FSIP2: variants seen among roughly 807,000 people sequenced by gnomAD.
The protein encoded by FSIP2 is fibrous sheath interacting protein 2.
Under a neutral mutation model 510.5 loss-of-function variants are expected in FSIP2, and 367 were observed. That is an observed-to-expected ratio of 0.72 (90% CI 0.66 to 0.78). The LOEUF is 0.78. Ranked by LOEUF, FSIP2 falls within the 30% of genes least tolerant of loss-of-function variation. The probability of loss-of-function intolerance (pLI) is 0.00; values close to 1 mark genes in which losing one functional copy is unlikely to be tolerated. For synonymous variants in FSIP2, 2,601 were observed against 2,732.2 expected (o/e 0.95, Z 1.50); for missense variants, 7,594 against 7,901.7 (o/e 0.96, Z 1.48).
chr2:185,803,201 G>A lies in FSIP2; in HGVS notation c.13895G>A (p.Arg4632Lys). 6.5e-7 allele frequency: 1 copy of A among 1,532,372 alleles called. No homozygotes were observed. The highest frequency in any genetic ancestry group is 8.7e-7 in the Non-Finnish European group (1 of 1,144,722). 94.9% of individuals were successfully genotyped at this position (1,532,372 alleles called of 1,614,324 possible). The change falls in exon 17 of 23, where the codon AGA becomes AAA. Residue 4632 changes from arginine to lysine, a missense_variant. Physicochemically the swap from Arg to Lys is conservative, Grantham distance 26. Transcript: ENST00000424728. Reference sequence around the variant, plus strand: ...GAAGATGTAATCTCTGGGGTTTTAAGAAAAATATTCCACAGGGTAGTAGGC... The same window carrying A: ...GAAGATGTAATCTCTGGGGTTTTAAAAAAAATATTCCACAGGGTAGTAGGC... ...FLEDVISGVL[R>K]KIFHRVVGIV...
At chr2:185,739,078 C>G in intron 1 of FSIP2, 85 bp downstream of exon 1, 1 of 1,419,978 alleles carries the variant, frequency 7.0e-7, no homozygotes, top group Non-Finnish European at 9.3e-7. Context: ...ACACACGGGT[C>G]GCGAGGCTCC....
chr2:185,801,438 C>T lies in FSIP2; in HGVS notation c.12132C>T (p.Ser4044=). The change falls in exon 17 of 23, where the codon AGC becomes AGT. Residue 4044 remains serine (S), a synonymous_variant. Transcript: ENST00000424728. The part of the protein sequence containing the change: ...CFPPVHTETV[S]KIVDSVYYDV... ...CACCAGTTCATACAGAAACTGTTAG[C>T]AAAATTGTTGACTCAGTTTATTATG... 1 of 1,533,746 alleles carries T rather than the reference C, an allele frequency of 6.5e-7. No homozygotes were observed. Among genetic ancestry groups the T allele is most frequent in the Non-Finnish European group, 8.7e-7 (1 of 1,145,414 alleles).
In FSIP2 at chr2:185,807,364, C is replaced by A. The variant is rs1444902935; in HGVS notation, c.18058C>A (p.Leu6020Ile). Reference protein sequence around the residue: ...HKFLENVISALFSKIFSTISS... With the variant: ...HKFLENVISAIFSKIFSTISS... Reference sequence around the variant, plus strand: ...ATTTTTGGAGAATGTGATTTCTGCTCTTTTCTCCAAAATTTTCTCAACAAT... The same window carrying A: ...ATTTTTGGAGAATGTGATTTCTGCTATTTTCTCCAAAATTTTCTCAACAAT... The change falls in exon 17 of 23, where the codon CTT becomes ATT. Residue 6020 changes from leucine to isoleucine, a missense_variant. Transcript: ENST00000424728. The A allele has an allele frequency of 3.1e-6, 5 of 1,609,162 alleles. No individual in the cohort carries two copies. Among genetic ancestry groups the A allele is most frequent in the East Asian group, 2.2e-5 (1 of 44,794 alleles).
At chr2:185,763,141 A>G (rs1692389311) in intron 11 of FSIP2, 42 bp from the exon 12 acceptor site, 1 of 848,914 alleles carries the variant, frequency 1.2e-6, no homozygotes, top group Admixed American at 2.0e-5. Context: ...TGTCCCAGCA[A>G]TATCAGCTTC....
rs773835091 is a variant in FSIP2, at chr2:185,831,921, C to T, written c.20587+39C>T. The T allele has an allele frequency of 1.5e-5, 18 of 1,179,864 alleles. No individual in the cohort carries two copies. The Admixed American group carries it at 3.1e-4, about 20-fold the overall frequency. 73.1% of individuals were successfully genotyped at this position (1,179,864 alleles called of 1,614,324 possible). On this transcript the variant is annotated intron_variant, in intron 22 of 22. Transcript: ENST00000424728. ...TATTTTAACAACTGGTGTAATTAAA[C>T]TGTCAATTGCATCATTTTGAATTTA...
chr2:185,791,628 G>A lies in FSIP2; in HGVS notation c.4492G>A (p.Val1498Ile), dbSNP rs1032085504. ...TTATATCCTTGCAAAATTATGTGGT[G>A]TTGACATGGATACCAGTTTTGCAAG... ...LDYILAKLCG[V>I]DMDTSFASCG... Residue 1498 changes from valine to isoleucine, a missense_variant, in exon 16 of 23, where the codon GTT (valine) becomes ATT (isoleucine). By Grantham distance (29) the Val-to-Ile change is conservative. Coordinates refer to ENST00000424728, the MANE Select transcript of FSIP2 (RefSeq NM_173651.4). 1.7e-5 allele frequency: 26 copies of A among 1,533,976 alleles called. No individual in the cohort carries two copies. In the African/African-American group the frequency reaches 3.3e-4, roughly 19 times the overall value.
In FSIP2 at chr2:185,797,316, G is replaced by A; in HGVS notation, c.10180G>A (p.Glu3394Lys). 5.2e-6 allele frequency: 8 copies of A among 1,525,812 alleles called. No homozygotes were observed. The highest frequency in any genetic ancestry group is 7.0e-6 in the Non-Finnish European group (8 of 1,144,096). 94.5% of individuals were successfully genotyped at this position (1,525,812 alleles called of 1,614,324 possible). A position where few individuals can be genotyped will look rare whatever the true frequency, so the allele number is the denominator to read the frequency against. Residue 3394 changes from glutamate to lysine, a missense_variant, in exon 16 of 23, where the codon GAG becomes AAG. Glu to Lys is a moderately conservative substitution (Grantham distance 56). Transcript: ENST00000424728. ...GGATAAAAAAATCAACTATATACCT[G>A]AGGAAGAAAATGAAAACCTTGAAGC... ...MQDKKINYIP[E>K]EENENLEASR... is the part of the protein sequence containing the mutation.
rs1559028415 is a variant in FSIP2 at position 185,794,071 on chromosome 2, TG to T, written c.6936del (p.Ile2314TyrfsTer47). The T allele has an allele frequency of 6.5e-7, 1 of 1,531,548 alleles. No homozygotes were observed. Among genetic ancestry groups the T allele is most frequent in the Non-Finnish European group, 8.7e-7 (1 of 1,143,898 alleles). The allele number at this position is 1,531,548 out of a possible 1,614,324, so 94.9% of individuals were successfully genotyped here. On this transcript the variant is annotated frameshift_variant, in exon 16 of 23. Transcript: ENST00000424728. LOFTEE classifies it high-confidence loss of function. ...CAAGTGGAATCAGATGTAAATGTCC[TG>T]AAAATATCAGCAACTGAAACCATTC... The part of the protein sequence containing the change: ...SSQVESDVNV[L>X]KISATETILS...
chr2:185,759,250 A>G (rs1692302835), intron 9 of FSIP2, among the ~76,000 whole-genome samples: 1 of 150,724 alleles, frequency 6.6e-6, no homozygotes, highest in African/African-American at 2.4e-5. Flanking sequence ...ATTGTATCAT[A>G]CTTTTTCTGT....
rs578102081 is a variant in FSIP2 at position 185,813,456 on chromosome 2, AATT to A, written c.19828-86_19828-84del. 8.0e-5 allele frequency: 57 copies of A among 709,708 alleles called. 1 individual carries two copies. The African/African-American group carries it at 9.5e-4, about 12-fold the overall frequency. The allele number at this position is 709,708 out of a possible 1,614,324, so 44.0% of individuals were successfully genotyped here. ...AGATATTACTTAAATCAAAACTAGA[AATT>A]ATAAGAAAATAGCTACATCATAATT... is the stretch of plus-strand genomic sequence containing the variant. On this transcript the variant is annotated intron_variant, in intron 17 of 22. Transcript: ENST00000424728.
At chr2:185,824,894 CT>C (rs1040619184) in intron 20 of FSIP2, among the ~76,000 whole-genome samples, 1 of 151,742 alleles carries the variant, frequency 6.6e-6, no homozygotes, top group Admixed American at 6.6e-5. Flanking sequence ...ATGTATCTCA[CT>C]TTTTTTCATT....
chr2:185,773,688 T>C (rs1692657913), intron 13 of FSIP2, among the ~76,000 whole-genome samples: 1 of 152,162 alleles, frequency 6.6e-6, no homozygotes. Context: ...TATCTTAACC[T>C]CTCTCCCCCT....
chr2:185,746,392 T>C (rs542524639), intron 5 of FSIP2, among the ~76,000 whole-genome samples: 2 of 152,216 alleles, frequency 1.3e-5, no homozygotes, highest in South Asian at 4.1e-4. Context: ...CTGTGCAAAA[T>C]GTTTTGAGTA....
At chr2:185,825,611 C>T (rs1414285724) in intron 20 of FSIP2, among the ~76,000 whole-genome samples, 1 of 151,850 alleles carries the variant, frequency 6.6e-6, no homozygotes, top group East Asian at 1.9e-4. Flanking sequence ...CCCACATCTC[C>T]TGCCTCTAAA....
intron 2 of FSIP2, among the ~76,000 whole-genome samples, chr2:185,741,519 T>A (rs1691921919): frequency 6.6e-6 from 1 of 152,192 alleles, no homozygotes; most frequent in East Asian, 1.9e-4. Context: ...TAACATTTTT[T>A]AAAAGTTTAC....
At chr2:185,766,580 C>T (rs1692487802) in intron 13 of FSIP2, 1 of 148,726 alleles carries the variant, frequency 6.7e-6, no homozygotes, top group African/African-American at 2.5e-5. Flanking sequence ...CTCACCATCA[C>T]TGGCCATCAG....
rs1559035558 is a variant in FSIP2, at chr2:185,807,004, CCTT to C, written c.17703_17705del (p.Ser5902del). On this transcript the variant is annotated inframe_deletion, in exon 17 of 23. Coordinates refer to ENST00000424728, the MANE Select transcript of FSIP2 (RefSeq NM_173651.4). ...ACCTATGCATAAAATGATGAGAAAA[CCTT>C]CTTCAGATAAGATACCATCAATTGA... The C allele has an allele frequency of 1.9e-6, 3 of 1,603,594 alleles. No individual in the cohort carries two copies. The highest frequency in any genetic ancestry group is 3.5e-5 in the Admixed American group (2 of 57,640).
At position 185,826,255 on chromosome 2, in the gene FSIP2, A is replaced by G. The variant is rs148174567; in HGVS notation, c.20473+1775A>G. Among the ~76,000 whole-genome samples the G allele has an allele frequency of 1.3e-3, 199 of 151,968 alleles. 2 individuals carry two copies. The highest frequency in any genetic ancestry group is 4.6e-3 in the African/African-American group (191 of 41,526). ...GTACTTCCCATCTCATTTAGAACCA[A>G]ATCTCAAGTCATCACAATGGCTTAC... On this transcript the variant is annotated intron_variant, in intron 20 of 22. Coordinates refer to ENST00000424728, the MANE Select transcript of FSIP2 (RefSeq NM_173651.4).
At chr2:185,741,073 A>G (rs1171129426) in intron 2 of FSIP2, among the ~76,000 whole-genome samples, 1 of 152,182 alleles carries the variant, frequency 6.6e-6, no homozygotes. Flanking sequence ...TAACTTTGCA[A>G]AAACGTGCTT....
Sources: gnomAD v4.1 joint callset for allele counts (sites outside exome capture counted in the v4.1 genomes callset) on GRCh38, gnomAD v4.1.1 for gene constraint, MANE v1.5 for transcripts, NCBI Gene and HGNC (gene_info 2026-07-23, HGNC 2026-07-21) for gene names.